CSMD3: variants seen among roughly 807,000 people sequenced by gnomAD.
The protein encoded by CSMD3 is CUB and sushi domain-containing protein 3.
CSMD3 carries 177 observed loss-of-function variants against 435.2 expected under a neutral mutation model. That is an observed-to-expected ratio of 0.41 (90% CI 0.36 to 0.46). CSMD3 has a LOEUF of 0.46. CSMD3 is among the 20% of genes least tolerant of loss of function. CSMD3 has a pLI of 0.34. For synonymous variants in CSMD3, 1,656 were observed against 1,520.5 expected (o/e 1.09, Z -2.07); for missense variants, 4,265 against 4,504.6 (o/e 0.95, Z 1.52).
chr8:112,807,104 T>C (rs1219155422), intron 12 of CSMD3, among the ~76,000 whole-genome samples: 1 of 152,218 alleles, frequency 6.6e-6, no homozygotes, highest in African/African-American at 2.4e-5. Flanking sequence ...CTGTGTACCT[T>C]ACCCCTGATG....
At position 112,281,349 on chromosome 8, in the gene CSMD3, A is replaced by G. The variant is rs368347857; in HGVS notation, c.9333T>C (p.Ala3111=). The change falls in exon 59 of 71, where the codon GCT becomes GCC. Residue 3111 remains alanine, a splice_region_variant and synonymous_variant. Transcript: ENST00000297405. ...TGGTTCCTGGGTTACCACACTGCAC[A>G]GCTATAAAACAAAGTGTTTAAGAGT... ...SWTGRQPECK[A]VQCGNPGTTA... The G allele has an allele frequency of 3.0e-5, 49 of 1,611,896 alleles. No individual in the cohort carries two copies. Among genetic ancestry groups the G allele is most frequent in the Non-Finnish European group, 4.0e-5 (47 of 1,178,316 alleles).
chr8:112,770,944 A>T (rs2078097670), intron 13 of CSMD3, among the ~76,000 whole-genome samples: 1 of 151,992 alleles, frequency 6.6e-6, no homozygotes, highest in African/African-American at 2.4e-5. Context: ...CTGTATGTCA[A>T]TTCTAATGTC....
At chr8:113,299,406 T>G (rs923203958) in intron 2 of CSMD3, among the ~76,000 whole-genome samples, 1 of 152,146 alleles carries the variant, frequency 6.6e-6, no homozygotes, top group Non-Finnish European at 1.5e-5. Context: ...GCCTAAGTAG[T>G]CAATGGGGGT....
chr8:112,300,901 A>G (rs1404429607), intron 53 of CSMD3, among the ~76,000 whole-genome samples: 1 of 152,162 alleles, frequency 6.6e-6, no homozygotes, highest in African/African-American at 2.4e-5. Flanking sequence ...GCCATGTGTC[A>G]TATTCTTAAA....
At chr8:112,860,282 A>T (rs1322806837) in intron 10 of CSMD3, among the ~76,000 whole-genome samples, 1 of 151,818 alleles carries the variant, frequency 6.6e-6, no homozygotes, top group African/African-American at 2.4e-5. Context: ...TCTATTTCAG[A>T]CAACTTTCCT....
chr8:113,062,966 T>C (rs1288804300), intron 5 of CSMD3, among the ~76,000 whole-genome samples: 1 of 151,730 alleles, frequency 6.6e-6, no homozygotes, highest in East Asian at 1.9e-4. Flanking sequence ...TTATATAATA[T>C]TGATTACTGA....
At chr8:112,569,857 C>T (rs1254484904) in intron 24 of CSMD3, among the ~76,000 whole-genome samples, 1 of 152,118 alleles carries the variant, frequency 6.6e-6, no homozygotes, top group East Asian at 1.9e-4. Context: ...TTCTGTGAAC[C>T]ACCAACCTGA....
chr8:113,047,297 C>A (rs2131311208), intron 5 of CSMD3, among the ~76,000 whole-genome samples: 1 of 152,308 alleles, frequency 6.6e-6, no homozygotes, highest in African/African-American at 2.4e-5. Context: ...AAGGGATTTT[C>A]TGTTTTGTTC....
chr8:112,554,879 TTGAC>T (rs1213829134), intron 25 of CSMD3, among the ~76,000 whole-genome samples: 1 of 151,974 alleles, frequency 6.6e-6, no homozygotes, highest in Admixed American at 6.6e-5. Flanking sequence ...GTTTCCTTAT[TTGAC>T]TGAGGCTAAA....
chr8:112,529,926 T>C (rs1246170594), intron 27 of CSMD3, among the ~76,000 whole-genome samples: 1 of 152,080 alleles, frequency 6.6e-6, no homozygotes, highest in Non-Finnish European at 1.5e-5. Context: ...AAGAGAATCA[T>C]GCATGAACAA....
chr8:112,826,936 A>AAAC (rs2079698307), intron 12 of CSMD3, among the ~76,000 whole-genome samples: 1 of 151,844 alleles, frequency 6.6e-6, no homozygotes, highest in East Asian at 2.0e-4. Flanking sequence ...TCTGTCCAAA[A>AAAC]AGGATATCAA....
chr8:112,310,952 G>C lies in CSMD3; in HGVS notation c.7885+26C>G, dbSNP rs113155642. On this transcript the variant is annotated intron_variant, in intron 50 of 70. Transcript: ENST00000297405. ...GTGCTAATCTCACATTCATGTTTTT[G>C]TTCATTTTGGCATAATATACTTCAC... 1.6e-5 allele frequency: 26 copies of C among 1,593,910 alleles called. No individual in the cohort carries two copies. In the African/African-American group the frequency reaches 2.4e-4, roughly 15 times the overall value.
At chr8:112,576,735 G>T (rs1829974002) in intron 23 of CSMD3, among the ~76,000 whole-genome samples, 1 of 151,518 alleles carries the variant, frequency 6.6e-6, no homozygotes, top group Admixed American at 6.6e-5. Flanking sequence ...TTGCCATGCT[G>T]CCCAGGCTGG....
At chr8:113,378,152 G>T (rs1028252924) in intron 1 of CSMD3, among the ~76,000 whole-genome samples, 12 of 152,024 alleles carry the variant, frequency 7.9e-5, no homozygotes, top group Non-Finnish European at 1.2e-4. Flanking sequence ...CCTTAGAACG[G>T]CATTTATTCT....
intron 38 of CSMD3, among the ~76,000 whole-genome samples, chr8:112,357,757 T>G (rs1296758987): frequency 6.6e-6 from 1 of 152,160 alleles, no homozygotes; most frequent in Non-Finnish European, 1.5e-5. Flanking sequence ...AACCTCTGCC[T>G]AGATTTCAGA....
At chr8:112,231,778 CA>C in intron 68 of CSMD3, 146 bp from the exon 69 acceptor site, 1 of 643,704 alleles carries the variant, frequency 1.6e-6, no homozygotes, top group South Asian at 1.8e-5. Flanking sequence ...AAATATAGCA[CA>C]TTGTGAAAAT....
At chr8:112,883,277 A>T (rs989993000) in intron 10 of CSMD3, among the ~76,000 whole-genome samples, 3 of 152,018 alleles carry the variant, frequency 2.0e-5, no homozygotes, top group African/African-American at 7.2e-5. Context: ...AGCCAAATAA[A>T]TATGAGCTAC....
intron 13 of CSMD3, among the ~76,000 whole-genome samples, chr8:112,785,455 GA>G (rs1233895258): frequency 3.9e-5 from 6 of 151,986 alleles, no homozygotes; most frequent in Non-Finnish European, 7.4e-5. Context: ...AAGTTGGAAA[GA>G]AAGAAGTCAC....
intron 27 of CSMD3, among the ~76,000 whole-genome samples, chr8:112,542,116 AT>A (rs1186576026): frequency 6.6e-6 from 1 of 151,730 alleles, no homozygotes; most frequent in African/African-American, 2.4e-5. Flanking sequence ...TTAAAAAAAA[AT>A]CCTCAATATA....
Sources: allele counts gnomAD v4.1 joint callset (sites outside exome capture counted in the v4.1 genomes callset), GRCh38; gene constraint gnomAD v4.1.1; transcripts MANE v1.5; gene names NCBI Gene and HGNC (gene_info 2026-07-23, HGNC 2026-07-21).